Variants in CEP43 observed in about 807,000 individuals in gnomAD.
The protein encoded by CEP43 is centrosomal protein 43, also known as FGFR1 oncogene partner.
CEP43 carries 36 observed loss-of-function variants against 52.6 expected under a neutral mutation model. The ratio of observed to expected loss-of-function variants is 0.68; its 90% CI spans 0.52 to 0.90. The LOEUF (loss-of-function observed/expected upper bound fraction) is 0.90, where lower values mean the gene tolerates loss of function less well. CEP43 is among the 40% of genes least tolerant of loss of function. CEP43 has a pLI of 0.00. For missense variants in CEP43, 506 were observed against 472.8 expected (o/e 1.07, Z -0.65); for synonymous variants, 192 against 172.4 (o/e 1.11, Z -0.89).
chr6:167,027,259 T>C (rs552673596), intron 10 of CEP43, among the ~76,000 whole-genome samples: 1 of 152,292 alleles, frequency 6.6e-6, no homozygotes, highest in East Asian at 1.9e-4. Flanking sequence ...ATGTGAACAT[T>C]ACCGAGCCCT....
chr6:167,007,649 GC>G (rs1044772903), intron 5 of CEP43, among the ~76,000 whole-genome samples: 7 of 152,140 alleles, frequency 4.6e-5, no homozygotes, highest in Admixed American at 3.3e-4. Flanking sequence ...AAAAATTAGA[GC>G]TTTTATTAGC....
intron 8 of CEP43, among the ~76,000 whole-genome samples, chr6:167,024,371 A>AG (rs1354303712): frequency 6.6e-6 from 1 of 152,198 alleles, no homozygotes; most frequent in Non-Finnish European, 1.5e-5. Flanking sequence ...CATGACTTTA[A>AG]GGGGAGTTCA....
At chr6:167,004,539 G>A (rs534249601) in intron 5 of CEP43, 138 bp downstream of exon 5, 1 of 623,676 alleles carries the variant, frequency 1.6e-6, no homozygotes, top group Non-Finnish European at 2.5e-6. Flanking sequence ...GATGCATTCA[G>A]ATTGTATCAA....
In CEP43 at chr6:167,045,110, C is replaced by CTTTTTTTTTT. The variant is rs71032900; in HGVS notation, c.*5135_*5144dup. 1.4e-5 allele frequency: 2 copies of CTTTTTTTTTT among 142,800 alleles called. No individual in the cohort carries two copies. The highest frequency in any genetic ancestry group is 6.9e-5 in the Admixed American group (1 of 14,468). 8.8% of individuals were successfully genotyped at this position (142,800 alleles called of 1,614,324 possible). On this transcript the variant is annotated 3_prime_UTR_variant, in exon 13 of 13. Coordinates refer to ENST00000366847, the MANE Select transcript of CEP43 (RefSeq NM_007045.4). ...TTCAGACACTTGTATTTTTTTTTTCCTTTTTTTTTTTTGAGACTGAGTCAC... is the reference window on the plus strand; with the variant it reads ...TTCAGACACTTGTATTTTTTTTTTCCTTTTTTTTTTTTTTTTTTTTTTGAGACTGAGTCAC...
intron 5 of CEP43, among the ~76,000 whole-genome samples, chr6:167,010,480 A>G (rs1779961070): frequency 6.6e-6 from 1 of 152,220 alleles, no homozygotes; most frequent in Non-Finnish European, 1.5e-5. Flanking sequence ...TTAGAGAATT[A>G]CAGGATATTA....
At chr6:167,012,783 AG>A (rs1780013387) in intron 6 of CEP43, among the ~76,000 whole-genome samples, 1 of 152,138 alleles carries the variant, frequency 6.6e-6, no homozygotes, top group South Asian at 2.1e-4. Flanking sequence ...TTTCCAGAGA[AG>A]GGGGGACTGT....
At chr6:167,006,788 G>T (rs1160949799) in intron 5 of CEP43, among the ~76,000 whole-genome samples, 2 of 152,296 alleles carry the variant, frequency 1.3e-5, no homozygotes, top group Non-Finnish European at 2.9e-5. Flanking sequence ...GACTCTTTAA[G>T]TTCAGTGTAG....
intron 5 of CEP43, among the ~76,000 whole-genome samples, chr6:167,006,667 G>A (rs899971275): frequency 3.9e-5 from 6 of 152,190 alleles, no homozygotes; most frequent in Non-Finnish European, 8.8e-5. Context: ...TCACATAAGA[G>A]ACTTGAGCAT....
chr6:167,000,073 C>T lies in CEP43; in HGVS notation c.116C>T (p.Ala39Val), dbSNP rs1342092938. 1 of 1,612,388 alleles carries T rather than the reference C, an allele frequency of 6.2e-7. No homozygotes were observed. Among genetic ancestry groups the T allele is most frequent in the Non-Finnish European group, 8.5e-7 (1 of 1,178,864 alleles). The change falls in exon 2 of 13, where the codon GCA becomes GTA. Residue 39 changes from alanine (A) to valine (V), a missense_variant. Coordinates refer to ENST00000366847, the MANE Select transcript of CEP43 (RefSeq NM_007045.4). ...CTTTTTTTTAAGGCTGAACTCCGAG[C>T]AGCTGTGTTTTTAGCACTAGAGGAG... ...VLNRIKAELRAAVFLALEEQE... is the reference protein window; with the variant it reads ...VLNRIKAELRVAVFLALEEQE...
chr6:167,022,603 T>A lies in CEP43; in HGVS notation c.774T>A (p.Asp258Glu). 1 of 1,614,060 alleles carries A rather than the reference T, an allele frequency of 6.2e-7. No individual in the cohort carries two copies. Among genetic ancestry groups the A allele is most frequent in the Non-Finnish European group, 8.5e-7 (1 of 1,179,904 alleles). ...TGGAAGGAGATTCTTTCTTTGATGA[T>A]CCCATTCCTAAGCCAGAGAAAACTT... ...DDMEGDSFFD[D>E]PIPKPEKTYG... The change falls in exon 8 of 13, where the codon GAT becomes GAA. Residue 258 changes from aspartate (D) to glutamate (E), a missense_variant. By Grantham distance (45) the Asp-to-Glu change is conservative. Transcript: ENST00000366847.
chr6:167,020,605 A>G (rs1780203388), intron 7 of CEP43, among the ~76,000 whole-genome samples: 1 of 152,164 alleles, frequency 6.6e-6, no homozygotes, highest in Non-Finnish European at 1.5e-5. Context: ...AAATTAATTT[A>G]CTTAAGATTA....
chr6:167,022,090 G>A (rs901051053), intron 7 of CEP43, among the ~76,000 whole-genome samples: 2 of 152,152 alleles, frequency 1.3e-5, no homozygotes, highest in Non-Finnish European at 2.9e-5. Context: ...GTTTATAAAT[G>A]GGATAGGTAT....
chr6:167,008,120 T>G (rs531474673), intron 5 of CEP43, among the ~76,000 whole-genome samples: 3 of 133,108 alleles, frequency 2.3e-5, no homozygotes, highest in African/African-American at 7.6e-5. Context: ...TCTAGCCTTA[T>G]GTGTTTTTTT....
At chr6:167,039,484 T>C (rs959225214) in intron 12 of CEP43, among the ~76,000 whole-genome samples, 29 of 152,240 alleles carry the variant, frequency 1.9e-4, no homozygotes, top group Admixed American at 3.9e-4. Context: ...TACCACAATG[T>C]CTTTATCCAG....
chr6:167,016,184 T>A (rs1227433573), intron 7 of CEP43, among the ~76,000 whole-genome samples: 1 of 152,224 alleles, frequency 6.6e-6, no homozygotes, highest in Non-Finnish European at 1.5e-5. Flanking sequence ...TTTTTAATAT[T>A]TAGAATTAGT....
intron 7 of CEP43, among the ~76,000 whole-genome samples, chr6:167,015,027 A>G (rs1780063032): frequency 6.6e-6 from 1 of 152,262 alleles, no homozygotes; most frequent in African/African-American, 2.4e-5. Flanking sequence ...CATAGAGCCA[A>G]GGCATCCTAA....
At chr6:167,011,577 T>C (rs1433836111) in intron 6 of CEP43, 2 of 152,284 alleles carry the variant, frequency 1.3e-5, no homozygotes, top group African/African-American at 4.8e-5. Flanking sequence ...CATGAATTGG[T>C]AGTCCCAGGC....
intron 2 of CEP43, among the ~76,000 whole-genome samples, chr6:167,000,893 C>T (rs950089685): frequency 6.0e-5 from 9 of 149,964 alleles, no homozygotes; most frequent in Admixed American, 2.6e-4. Context: ...ACCCAGCAAA[C>T]TAACTCTTCC....
At position 167,046,656 on chromosome 6, in the gene CEP43, T is replaced by C. The variant is rs1780804439; in HGVS notation, c.*6678T>C. 1 of 152,316 alleles carries C rather than the reference T, an allele frequency of 6.6e-6. No homozygotes were observed. Among genetic ancestry groups the C allele is most frequent in the South Asian group, 2.1e-4 (1 of 4,832 alleles). The allele number at this position is 152,316 out of a possible 1,614,324, so 9.4% of individuals were successfully genotyped here. On this transcript the variant is annotated 3_prime_UTR_variant, in exon 13 of 13. Coordinates refer to ENST00000366847, the MANE Select transcript of CEP43 (RefSeq NM_007045.4). ...TCCTGTGATGTGCCACCACATCCCT[T>C]TTCAGTGAAGGGCTTTGTTGGCTGC...
Sources: allele counts gnomAD v4.1 joint callset (sites outside exome capture counted in the v4.1 genomes callset), GRCh38; gene constraint gnomAD v4.1.1; transcripts MANE v1.5; gene names NCBI Gene and HGNC (gene_info 2026-07-23, HGNC 2026-07-21).